The following MPPED2 variants were observed in gnomAD, a reference collection of about 807,000 sequenced individuals.
MPPED2 encodes the protein metallophosphoesterase MPPED2.
A neutral mutation model predicts 33.0 loss-of-function variants in MPPED2; 5 were observed. That is an observed-to-expected ratio of 0.15 (90% CI 0.08 to 0.32). MPPED2 has a LOEUF of 0.32. Ranked by LOEUF, MPPED2 falls within the 10% of genes least tolerant of loss-of-function variation. MPPED2 has a pLI of 1.00. For synonymous variants in MPPED2, 136 were observed against 141.9 expected (o/e 0.96, Z 0.29); for missense variants, 275 against 372.1 (o/e 0.74, Z 2.15).
chr11:30,492,165 A>G (rs1404891936), intron 4 of MPPED2, among the ~76,000 whole-genome samples: 2 of 152,178 alleles, frequency 1.3e-5, no homozygotes, highest in Non-Finnish European at 2.9e-5. Context: ...ACCACCAAAA[A>G]CAGATCATGC....
chr11:30,577,842 CA>C (rs1956995419), intron 2 of MPPED2, among the ~76,000 whole-genome samples: 1 of 152,174 alleles, frequency 6.6e-6, no homozygotes, highest in African/African-American at 2.4e-5. Flanking sequence ...TGAAAATCTC[CA>C]AGCATCAATC....
intron 4 of MPPED2, among the ~76,000 whole-genome samples, chr11:30,455,584 A>G (rs1318094586): frequency 6.6e-6 from 1 of 152,116 alleles, no homozygotes; most frequent in Non-Finnish European, 1.5e-5. Flanking sequence ...ATGTTACTCC[A>G]GCGCCCTTTG....
intron 2 of MPPED2, among the ~76,000 whole-genome samples, chr11:30,553,699 G>T (rs1024841060): frequency 6.6e-6 from 1 of 152,128 alleles, no homozygotes; most frequent in Non-Finnish European, 1.5e-5. Flanking sequence ...GCTTTGTCAG[G>T]ATAAGAGCTG....
chr11:30,414,767 C>A (rs1215550488), intron 5 of MPPED2, among the ~76,000 whole-genome samples: 1 of 152,154 alleles, frequency 6.6e-6, no homozygotes, highest in African/African-American at 2.4e-5. Context: ...GAGGAGCTGC[C>A]TGTAAACTGG....
chr11:30,473,995 A>G (rs1297971057), intron 4 of MPPED2, among the ~76,000 whole-genome samples: 2 of 152,202 alleles, frequency 1.3e-5, no homozygotes, highest in African/African-American at 2.4e-5. Context: ...TCTTGTGAGA[A>G]AGACTGAGCT....
At chr11:30,565,857 A>T (rs1956420124) in intron 2 of MPPED2, among the ~76,000 whole-genome samples, 1 of 152,146 alleles carries the variant, frequency 6.6e-6, no homozygotes, top group Non-Finnish European at 1.5e-5. Flanking sequence ...TTGCATACTT[A>T]CTTTGAATTT....
chr11:30,386,934 C>G (rs1035714933), exon 7 of MPPED2: 6 of 394,568 alleles, frequency 1.5e-5, no homozygotes, highest in Non-Finnish European at 2.2e-5. Context: ...TCATATATGC[C>G]TAACGTTTAC....
At chr11:30,409,223 C>T (rs1217273129), downstream of MPPED2, among the ~76,000 whole-genome samples, 1 of 152,172 alleles carries the variant, frequency 6.6e-6, no homozygotes, top group Non-Finnish European at 1.5e-5. Context: ...AGTACACTAA[C>T]CAGGTGAAAT....
intron 4 of MPPED2, among the ~76,000 whole-genome samples, chr11:30,424,054 G>A (rs563934292): frequency 1.3e-5 from 2 of 152,226 alleles, no homozygotes; most frequent in East Asian, 1.9e-4. Flanking sequence ...TCACTTGCTC[G>A]CTCCCTCACT....
chr11:30,561,611 C>T (rs576542042), intron 2 of MPPED2, among the ~76,000 whole-genome samples: 1 of 152,286 alleles, frequency 6.6e-6, no homozygotes, highest in Non-Finnish European at 1.5e-5. Context: ...ATAGCTAGAT[C>T]GTAGCAACCT....
At chr11:30,524,008 T>C (rs889238367) in intron 3 of MPPED2, among the ~76,000 whole-genome samples, 4 of 151,990 alleles carry the variant, frequency 2.6e-5, no homozygotes, top group African/African-American at 7.2e-5. Context: ...CCCAGCACTT[T>C]GGGAGGCTGA....
chr11:30,444,373 T>G (rs1949710116), intron 4 of MPPED2, among the ~76,000 whole-genome samples: 1 of 152,068 alleles, frequency 6.6e-6, no homozygotes, highest in Admixed American at 6.6e-5. Flanking sequence ...CTTACCTTCC[T>G]GAAGAAGGAG....
intron 2 of MPPED2, among the ~76,000 whole-genome samples, chr11:30,579,208 G>A (rs182015315): frequency 2.0e-5 from 3 of 151,126 alleles, no homozygotes; most frequent in Non-Finnish European, 4.4e-5. Context: ...GTGTGTATTT[G>A]GGGTGTCCTA....
At chr11:30,548,011 T>C (rs977279412) in intron 2 of MPPED2, among the ~76,000 whole-genome samples, 3 of 152,114 alleles carry the variant, frequency 2.0e-5, no homozygotes, top group South Asian at 2.1e-4. Context: ...AATAAAGTGA[T>C]TAAGAGGTCA....
At chr11:30,446,543 T>A (rs2125444) in intron 4 of MPPED2, among the ~76,000 whole-genome samples, 32,175 of 152,154 alleles carry the variant, frequency 0.21, 4,124 homozygotes, top group Non-Finnish European at 0.3. Context: ...TCTTTGTCCA[T>A]GTGTGTTCGC....
rs577769750 is a variant in MPPED2, at chr11:30,460,265, G to A, written c.536+35031C>T. Among the ~76,000 whole-genome samples, 6 of 152,082 alleles carry A rather than the reference G, an allele frequency of 3.9e-5. No individual in the cohort carries two copies. In the South Asian group the frequency reaches 8.3e-4, roughly 21 times the overall value. Reference sequence around the variant, plus strand: ...TTGATACATTTCTGCTTCCCGTGGCGACAATATAAGTGCAGTGTCCAACTT... The same window carrying A: ...TTGATACATTTCTGCTTCCCGTGGCAACAATATAAGTGCAGTGTCCAACTT... On this transcript the variant is annotated intron_variant, in intron 4 of 6. Transcript: ENST00000358117.
At chr11:30,532,974 A>G (rs1039820073) in intron 3 of MPPED2, among the ~76,000 whole-genome samples, 13 of 152,214 alleles carry the variant, frequency 8.5e-5, no homozygotes, top group African/African-American at 2.7e-4. Context: ...GCTTAAACAC[A>G]TCTTTCAAAT....
At chr11:30,543,792 C>G in intron 2 of MPPED2, among the ~76,000 whole-genome samples, 1 of 106,630 alleles carries the variant, frequency 9.4e-6, no homozygotes, top group South Asian at 3.2e-4. Context: ...TGGCGTTGTT[C>G]TTTTTTTTTT....
intron 2 of MPPED2, among the ~76,000 whole-genome samples, chr11:30,559,148 GTATTCCTTAGAGTC>G (rs1250192348): frequency 1.3e-5 from 2 of 152,118 alleles, no homozygotes; most frequent in Non-Finnish European, 2.9e-5. Flanking sequence ...CTAATGAAAA[GTATTCCTTAGAGTC>G]CAGTTGAAAT....
Sources: allele counts gnomAD v4.1 joint callset (sites outside exome capture counted in the v4.1 genomes callset), GRCh38; gene constraint gnomAD v4.1.1; transcripts MANE v1.5; gene names NCBI Gene and HGNC (gene_info 2026-07-23, HGNC 2026-07-21).